Variants in SNTG1 observed in about 807,000 individuals in gnomAD.
The protein encoded by SNTG1 is syntrophin gamma 1, also known as gamma-1-syntrophin.
A neutral mutation model predicts 74.7 loss-of-function variants in SNTG1; 39 were observed. The observed-to-expected ratio is 0.52, with a 90% CI of 0.40 to 0.68. The LOEUF is 0.68. SNTG1 is among the 30% of genes least tolerant of loss of function. SNTG1 has a pLI of 0.00. For synonymous variants in SNTG1, 254 were observed against 217.1 expected (o/e 1.17, Z -1.49); for missense variants, 685 against 609.5 (o/e 1.12, Z -1.30).
intron 2 of SNTG1, among the ~76,000 whole-genome samples, chr8:50,323,062 T>G (rs1354336652): frequency 2.0e-5 from 3 of 150,520 alleles, no homozygotes; most frequent in Admixed American, 6.6e-5. Flanking sequence ...GTTGCAAGAT[T>G]GCACCACTGC....
At chr8:50,784,168 T>C (rs1218340130) in intron 18 of SNTG1, among the ~76,000 whole-genome samples, 1 of 152,184 alleles carries the variant, frequency 6.6e-6, no homozygotes. Context: ...TGGAGTTATC[T>C]CATTAACATT....
intron 8 of SNTG1, among the ~76,000 whole-genome samples, chr8:50,475,977 T>G (rs2093694311): frequency 6.6e-6 from 1 of 152,170 alleles, no homozygotes; most frequent in South Asian, 2.1e-4. Context: ...TGTGCACTGC[T>G]CTGAGTAGCA....
intron 16 of SNTG1, chr8:50,707,779 A>T (rs2095448396): frequency 6.9e-6 from 2 of 291,710 alleles, no homozygotes; most frequent in Non-Finnish European, 1.3e-5. Context: ...TCCCACTACG[A>T]TTTAAAATTA....
intron 18 of SNTG1, among the ~76,000 whole-genome samples, chr8:50,775,210 T>C (rs569770621): frequency 6.6e-6 from 1 of 151,542 alleles, no homozygotes; most frequent in Non-Finnish European, 1.5e-5. Context: ...GATTTAGCTA[T>C]ATGATGTTCT....
chr8:50,181,030 C>T (rs2083188248), intron 2 of SNTG1, among the ~76,000 whole-genome samples: 1 of 152,118 alleles, frequency 6.6e-6, no homozygotes, highest in African/African-American at 2.4e-5. Context: ...TCCCTAAGTG[C>T]TAGGATTACA....
In SNTG1 at chr8:50,154,047, C is replaced by T. The variant is rs139085143; in HGVS notation, c.-102-18514C>T. ...AGGCCTCCTTGAGCTGAGGTGGGCTCCACCCAGTTTGAGCTTCCAGGCTGC... is the reference window on the plus strand; with the variant it reads ...AGGCCTCCTTGAGCTGAGGTGGGCTTCACCCAGTTTGAGCTTCCAGGCTGC... On this transcript the variant is annotated intron_variant, in intron 1 of 18. Transcript: ENST00000642720. Among the ~76,000 whole-genome samples the T allele has an allele frequency of 2.8e-4, 42 of 152,270 alleles. 2 individuals carry two copies. In the East Asian group the frequency reaches 7.9e-3, roughly 29 times the overall value.
intron 2 of SNTG1, among the ~76,000 whole-genome samples, chr8:50,216,279 C>G (rs1345052834): frequency 6.6e-6 from 1 of 152,202 alleles, no homozygotes; most frequent in Non-Finnish European, 1.5e-5. Context: ...CCTTCCCTCT[C>G]ATTAATCACT....
At chr8:50,753,792 GAA>G (rs139754509) in intron 18 of SNTG1, among the ~76,000 whole-genome samples, 2 of 150,578 alleles carry the variant, frequency 1.3e-5, no homozygotes, top group African/African-American at 4.9e-5. Flanking sequence ...TTATGGAATA[GAA>G]AAAAAAAGTA....
At chr8:50,121,924 T>A (rs1281794508) in intron 1 of SNTG1, among the ~76,000 whole-genome samples, 1 of 142,282 alleles carries the variant, frequency 7.0e-6, no homozygotes, top group Non-Finnish European at 1.6e-5. Context: ...TAAATACAAA[T>A]CTTAAGTTTT....
intron 2 of SNTG1, among the ~76,000 whole-genome samples, chr8:50,181,241 T>C (rs1341561987): frequency 6.6e-6 from 1 of 152,214 alleles, no homozygotes; most frequent in African/African-American, 2.4e-5. Flanking sequence ...CTTTTACACA[T>C]GCCCCATCCT....
At chr8:50,523,786 T>A (rs1029951221) in intron 9 of SNTG1, among the ~76,000 whole-genome samples, 1 of 152,162 alleles carries the variant, frequency 6.6e-6, no homozygotes, top group Non-Finnish European at 1.5e-5. Context: ...CAAGCTATTA[T>A]AAAAACAGCA....
intron 3 of SNTG1, among the ~76,000 whole-genome samples, chr8:50,396,810 A>T (rs1222916701): frequency 2.0e-5 from 3 of 152,238 alleles, no homozygotes; most frequent in Non-Finnish European, 4.4e-5. Context: ...TAGAAAATGG[A>T]TGATATTCTA....
chr8:50,614,396 G>T (rs2131004597), intron 13 of SNTG1, among the ~76,000 whole-genome samples: 1 of 152,106 alleles, frequency 6.6e-6, no homozygotes, highest in Non-Finnish European at 1.5e-5. Flanking sequence ...ACCATTTACA[G>T]TAGCAAGGAA....
chr8:50,050,482 C>G (rs566052334), intron 1 of SNTG1, among the ~76,000 whole-genome samples: 4 of 151,882 alleles, frequency 2.6e-5, no homozygotes, highest in South Asian at 2.1e-4. Context: ...ACAAAAAGCA[C>G]CAGGCTAGAT....
chr8:49,976,328 G>A (rs185388699), intron 1 of SNTG1, among the ~76,000 whole-genome samples: 2 of 152,268 alleles, frequency 1.3e-5, no homozygotes, highest in East Asian at 3.9e-4. Context: ...CAAACAGAAA[G>A]GATTGGATGG....
At chr8:50,480,229 G>A (rs1020313810) in intron 8 of SNTG1, among the ~76,000 whole-genome samples, 1 of 142,468 alleles carries the variant, frequency 7.0e-6, no homozygotes, top group African/African-American at 2.5e-5. Context: ...CGCTCTGATT[G>A]TGGAGCTTAA....
At chr8:50,440,012 GT>G in intron 5 of SNTG1, among the ~76,000 whole-genome samples, 1 of 150,968 alleles carries the variant, frequency 6.6e-6, no homozygotes, top group East Asian at 1.9e-4. Flanking sequence ...TTTTAACCTA[GT>G]TTTTAAAGCA....
chr8:50,133,040 G>C (rs1554584444), intron 1 of SNTG1, among the ~76,000 whole-genome samples: 1 of 151,972 alleles, frequency 6.6e-6, no homozygotes, highest in African/African-American at 2.4e-5. Context: ...ATTCCTTTTT[G>C]CTTCACTGTT....
intron 12 of SNTG1, among the ~76,000 whole-genome samples, chr8:50,572,171 C>A (rs1337041011): frequency 6.6e-6 from 1 of 152,002 alleles, no homozygotes; most frequent in Non-Finnish European, 1.5e-5. Context: ...AGATTCCCCT[C>A]CTTCTCATAC....
Sources: gnomAD v4.1 joint callset for allele counts (sites outside exome capture counted in the v4.1 genomes callset) on GRCh38, gnomAD v4.1.1 for gene constraint, MANE v1.5 for transcripts, NCBI Gene and HGNC (gene_info 2026-07-23, HGNC 2026-07-21) for gene names.